Variants in AMBRA1 observed in about 807,000 individuals in gnomAD.
AMBRA1 encodes autophagy and beclin 1 regulator 1.
In AMBRA1, 47 loss-of-function variants were observed where a neutral mutation model predicts 125.4. That is an observed-to-expected ratio of 0.37 (90% CI 0.30 to 0.48). The LOEUF (loss-of-function observed/expected upper bound fraction) is 0.48. Among genes scored for constraint, AMBRA1 ranks in the 20% least tolerant of loss-of-function variants. AMBRA1 has a pLI of 0.99. For synonymous variants in AMBRA1, 626 were observed against 655.5 expected (o/e 0.95, Z 0.69); for missense variants, 1,331 against 1,693.4 (o/e 0.79, Z 3.76).
At chr11:46,530,654 T>C (rs559988167) in intron 7 of AMBRA1, 6 of 152,204 alleles carry the variant, frequency 3.9e-5, no homozygotes, top group South Asian at 2.1e-4. Flanking sequence ...GGGGCCCTCA[T>C]TGTCATAATG....
chr11:46,564,157 A>C (rs1485568907), intron 1 of AMBRA1, among the ~76,000 whole-genome samples: 4 of 151,558 alleles, frequency 2.6e-5, no homozygotes, highest in Admixed American at 6.6e-5. Context: ...AAAAAAAAAA[A>C]AAAAAAACGT....
chr11:46,485,371 ATTTGCAGAGC>A (rs1950229971), intron 11 of AMBRA1, among the ~76,000 whole-genome samples: 1 of 152,216 alleles, frequency 6.6e-6, no homozygotes, highest in Admixed American at 6.5e-5. Context: ...ACGGGGACAC[ATTTGCAGAGC>A]TTCTTCAAAC....
intron 15 of AMBRA1, 79 bp from the exon 16 acceptor site, chr11:46,410,447 G>T: frequency 1.5e-6 from 2 of 1,297,796 alleles, no homozygotes; most frequent in Non-Finnish European, 2.2e-6. Context: ...GAAACTCCTG[G>T]CTTTGTGGAC....
chr11:46,402,636 T>C (rs182476928), intron 17 of AMBRA1, among the ~76,000 whole-genome samples: 51 of 152,280 alleles, frequency 3.3e-4, no homozygotes, highest in Non-Finnish European at 6.5e-4. Context: ...AGTGCTGGGA[T>C]TACAGGCATG....
intron 1 of AMBRA1, among the ~76,000 whole-genome samples, chr11:46,556,979 A>C (rs979435181): frequency 6.6e-6 from 1 of 152,114 alleles, no homozygotes; most frequent in African/African-American, 2.4e-5. Flanking sequence ...TCTATTAAAA[A>C]TACAAAATTA....
chr11:46,483,327 A>G (rs778451710), intron 11 of AMBRA1, among the ~76,000 whole-genome samples: 5 of 152,340 alleles, frequency 3.3e-5, no homozygotes, highest in Admixed American at 1.3e-4. Flanking sequence ...ACCTATTTGC[A>G]GGAGTTTCTT....
chr11:46,511,759 A>AC (rs1374360094), intron 8 of AMBRA1, among the ~76,000 whole-genome samples: 3 of 152,018 alleles, frequency 2.0e-5, no homozygotes, highest in African/African-American at 7.3e-5. Context: ...TTAATATCCC[A>AC]CCCTTGGTCC....
intron 6 of AMBRA1, 63 bp downstream of exon 6, chr11:46,543,912 G>T: frequency 7.8e-7 from 1 of 1,289,098 alleles, no homozygotes; most frequent in Non-Finnish European, 1.1e-6. Context: ...AATCAGAATT[G>T]GAATACTAGT....
intron 11 of AMBRA1, among the ~76,000 whole-genome samples, chr11:46,445,065 G>GAAAAAAAAAA (rs1196067258): frequency 1.2e-4 from 11 of 93,214 alleles, no homozygotes; most frequent in South Asian, 3.2e-4. Flanking sequence ...GCAAAAAAAA[G>GAAAAAAAAAA]AAAAACAAAA....
intron 11 of AMBRA1, among the ~76,000 whole-genome samples, chr11:46,457,417 G>A (rs1948896575): frequency 6.6e-6 from 1 of 152,166 alleles, no homozygotes; most frequent in Non-Finnish European, 1.5e-5. Context: ...CTTGGAAGGG[G>A]GGAAAAATTT....
chr11:46,423,949 G>C (rs1029967653), intron 14 of AMBRA1, among the ~76,000 whole-genome samples: 6 of 151,734 alleles, frequency 4.0e-5, no homozygotes, highest in Admixed American at 3.9e-4. Context: ...TTTTAGTAGA[G>C]ATGGGGTATC....
rs1019799358 is a variant in AMBRA1 at position 46,541,969 on chromosome 11, C to G, written c.2048G>C (p.Ser683Thr). Reference sequence around the variant, plus strand: ...CCTCCTGAGTGAATCCTCCTCAGAGCTCTCCTCAGGCATATCCTGATGTAA... The same window carrying G: ...CCTCCTGAGTGAATCCTCCTCAGAGGTCTCCTCAGGCATATCCTGATGTAA... ...EALHQDMPEE[S>T]SEEDSLRRRL... The change falls in exon 7 of 18, where the codon AGC becomes ACC. Residue 683 changes from serine (S) to threonine (T), a missense_variant. Around this residue, in one of 4 missense-constraint regions of AMBRA1, gnomAD observed 689 missense variants for 776.5 expected, o/e 0.89. Transcript: ENST00000683756. 6 of 1,612,656 alleles carry G rather than the reference C, an allele frequency of 3.7e-6. No homozygotes were observed. The highest frequency in any genetic ancestry group is 3.4e-5 in the Admixed American group (2 of 59,504).
At chr11:46,458,462 C>T (rs897508087) in intron 11 of AMBRA1, among the ~76,000 whole-genome samples, 1 of 152,168 alleles carries the variant, frequency 6.6e-6, no homozygotes, top group Non-Finnish European at 1.5e-5. Context: ...AAAGTTTCCT[C>T]CGAATTCAAG....
chr11:46,566,599 GT>G (rs751041000), intron 1 of AMBRA1, among the ~76,000 whole-genome samples: 8 of 152,180 alleles, frequency 5.3e-5, no homozygotes, highest in Non-Finnish European at 1.0e-4. Flanking sequence ...GACCCGGGGG[GT>G]GAGGATTGAG....
chr11:46,494,255 T>C, intron 9 of AMBRA1, 51 bp from the exon 10 acceptor site: 1 of 1,466,518 alleles, frequency 6.8e-7, no homozygotes, highest in Non-Finnish European at 9.3e-7. Flanking sequence ...GGAAGAATCA[T>C]CCACCAGCCC....
intron 1 of AMBRA1, among the ~76,000 whole-genome samples, chr11:46,563,899 C>CT (rs2043424616): frequency 1.3e-5 from 2 of 148,286 alleles, no homozygotes; most frequent in Admixed American, 1.3e-4. Flanking sequence ...AATCTCAGCA[C>CT]TTTGGGAGGC....
chr11:46,558,621 G>C (rs1385313044), intron 1 of AMBRA1, among the ~76,000 whole-genome samples: 1 of 133,390 alleles, frequency 7.5e-6, no homozygotes, highest in South Asian at 2.5e-4. Flanking sequence ...CAAATATCAA[G>C]AATTTTCTAC....
chr11:46,478,978 C>T (rs55750336), intron 11 of AMBRA1, among the ~76,000 whole-genome samples: 9,449 of 152,232 alleles, frequency 0.062, 353 homozygotes, highest in South Asian at 0.08. Context: ...GTGGTAGGAT[C>T]GCTTGAGCCC....
chr11:46,400,050 T>G (rs868868248), intron 17 of AMBRA1, among the ~76,000 whole-genome samples: 4 of 152,136 alleles, frequency 2.6e-5, no homozygotes, highest in Admixed American at 1.3e-4. Flanking sequence ...CTGTTGTGAT[T>G]AACTTGGGGT....
Sources: gnomAD v4.1 joint callset for allele counts (sites outside exome capture counted in the v4.1 genomes callset) on GRCh38, gnomAD v4.1.1 for gene constraint, gnomAD v4.1.1 regional missense constraint, MANE v1.5 for transcripts, NCBI Gene and HGNC (gene_info 2026-07-23, HGNC 2026-07-21) for gene names.